MYO10: variants seen among roughly 807,000 people sequenced by gnomAD.
The protein encoded by MYO10 is unconventional myosin-X.
Under a neutral mutation model 257.3 loss-of-function variants are expected in MYO10, and 133 were observed. The observed-to-expected ratio is 0.52, with a 90% CI of 0.45 to 0.60. MYO10 has a LOEUF of 0.60. Among genes scored for constraint, MYO10 ranks in the 20% least tolerant of loss-of-function variants. The pLI is 0.00. For missense variants in MYO10, 2,399 were observed against 2,635.7 expected, an observed-to-expected ratio of 0.91 and a Z score of 1.97; for synonymous variants, 1,104 against 1,028.6, an observed-to-expected ratio of 1.07 and a Z score of -1.40.
In MYO10 at chr5:16,852,799, GC is replaced by G. The variant is rs548266046; in HGVS notation, c.120+24809del. On this transcript the variant is annotated intron_variant, in intron 2 of 40. Coordinates refer to ENST00000513610, the MANE Select transcript of MYO10 (RefSeq NM_012334.3). ...TAAATGATCTGGAAAGTCCTTTCCT[GC>G]CCCCAAATTCCCTGAGTTTAACAGA... Among the ~76,000 whole-genome samples the G allele has an allele frequency of 8.5e-5, 13 of 152,134 alleles. No homozygotes were observed. The East Asian group carries it at 2.3e-3, about 27-fold the overall frequency.
intron 2 of MYO10, among the ~76,000 whole-genome samples, chr5:16,861,303 T>C (rs13154099): frequency 0.26 from 38,373 of 150,432 alleles, 5,802 homozygotes; most frequent in African/African-American, 0.42. Flanking sequence ...CAGTGGCTCA[T>C]GCCTGTAATC....
chr5:16,854,100 C>G (rs544483328), intron 2 of MYO10: 1 of 152,274 alleles, frequency 6.6e-6, no homozygotes, highest in Non-Finnish European at 1.5e-5. Flanking sequence ...AGTCCTAAGA[C>G]AGACAATCTA....
Position 16,670,736 on chromosome 5 carries a change from C to T in MYO10, c.5673G>A (p.Arg1891=), listed in dbSNP as rs780075982. 6.2e-7 allele frequency: 1 copy of T among 1,614,040 alleles called. No homozygotes were observed. Among genetic ancestry groups the T allele is most frequent in the Non-Finnish European group, 8.5e-7 (1 of 1,179,900 alleles). ...RTSFLEGTLR[R]SFRTGSVVRQ... ...GGACCACGGATCCTGTCCGGAAGCTCCGCCTCAGGGTCCCCTCTAGGAAGC... is the reference window on the plus strand; with the variant it reads ...GGACCACGGATCCTGTCCGGAAGCTTCGCCTCAGGGTCCCCTCTAGGAAGC... The change falls in exon 39 of 41, where the codon CGG becomes CGA. Residue 1891 remains arginine, a synonymous_variant. Transcript: ENST00000513610.
intron 9 of MYO10, among the ~76,000 whole-genome samples, chr5:16,772,135 CTT>C (rs112723876): frequency 9.0e-5 from 13 of 144,620 alleles, no homozygotes; most frequent in Non-Finnish European, 1.2e-4. Flanking sequence ...ATATTGCATA[CTT>C]TTTTTTTTTT....
Position 16,673,746 on chromosome 5 carries a change from G to A in MYO10, c.5108C>T (p.Thr1703Met), listed in dbSNP as rs746939614. 1.5e-5 allele frequency: 24 copies of A among 1,613,974 alleles called. 1 individual carries two copies. In the South Asian group the frequency reaches 2.2e-4, roughly 15 times the overall value. Residue 1703 changes from threonine to methionine, a missense_variant, in exon 36 of 41, where the codon ACG becomes ATG. Physicochemically the swap from Thr to Met is moderately conservative, Grantham distance 81. Around this residue, in one of 3 missense-constraint regions of MYO10, gnomAD observed 1,820 missense variants for 1,939.4 expected, o/e 0.94. Coordinates refer to ENST00000513610, the MANE Select transcript of MYO10 (RefSeq NM_012334.3). ...ALIHRQEMTSTVYCHGGGSCK... is the reference protein window; with the variant it reads ...ALIHRQEMTSMVYCHGGGSCK... ...GGAGCCGCCGCCATGGCAATAGACC[G>A]TGGATGTCATTTCCTGCCTGTGGAT...
chr5:16,925,136 C>A (rs1746098304), intron 1 of MYO10, among the ~76,000 whole-genome samples: 1 of 151,916 alleles, frequency 6.6e-6, no homozygotes, highest in Non-Finnish European at 1.5e-5. Flanking sequence ...CGGCCTATCA[C>A]TTACTATTAA....
intron 4 of MYO10, 53 bp from the exon 5 acceptor site, chr5:16,783,522 A>T: frequency 1.9e-6 from 3 of 1,556,810 alleles, no homozygotes; most frequent in Non-Finnish European, 2.6e-6. Context: ...TTTAAAAAAA[A>T]ATCAGCTTTG....
In MYO10 at chr5:16,866,128, C is replaced by T. The variant is rs111898208; in HGVS notation, c.120+11481G>A. On this transcript the variant is annotated intron_variant, in intron 2 of 40. Transcript: ENST00000513610. ...GTATTTATTCATTTTCCTTTCAATT[C>T]AAACGTGGGTATTTGCCGAAGAAAC... is the stretch of plus-strand genomic sequence containing the variant. Among the ~76,000 whole-genome samples the T allele has an allele frequency of 1.5e-3, 224 of 151,516 alleles. 1 individual carries two copies. The highest frequency in any genetic ancestry group is 6.3e-3 in the South Asian group (30 of 4,798).
intron 10 of MYO10, among the ~76,000 whole-genome samples, chr5:16,767,513 G>T (rs1740908805): frequency 6.6e-6 from 1 of 151,854 alleles, no homozygotes; most frequent in South Asian, 2.1e-4. Flanking sequence ...AAAGAAATTT[G>T]CAAAAAGATA....
At chr5:16,778,485 G>C (rs1741290636) in intron 9 of MYO10, among the ~76,000 whole-genome samples, 1 of 152,078 alleles carries the variant, frequency 6.6e-6, no homozygotes, top group South Asian at 2.1e-4. Flanking sequence ...ATGCTTTTGG[G>C]TCGATGAGGG....
chr5:16,916,099 A>C (rs1745808678), intron 1 of MYO10: 2 of 456,080 alleles, frequency 4.4e-6, no homozygotes. Context: ...AGCCTTGGTA[A>C]AGATGTCATC....
chr5:16,764,395 G>A lies in MYO10; in HGVS notation c.1181C>T (p.Ala394Val). The change falls in exon 12 of 41, where the codon GCA becomes GTA. Residue 394 changes from alanine to valine, a missense_variant and splice_region_variant. Physicochemically the swap from Ala to Val is moderately conservative, Grantham distance 64. Coordinates refer to ENST00000513610, the MANE Select transcript of MYO10 (RefSeq NM_012334.3). ...GGCCAGGGAGTCCCTGCTGTCTACT[G>A]CCTGTGGGAGAGAAACCAGCACAGA... ...EILTPLNVQQ[A>V]VDSRDSLAMA... 6.2e-7 allele frequency: 1 copy of A among 1,613,654 alleles called. No individual in the cohort carries two copies. The highest frequency in any genetic ancestry group is 2.2e-5 in the East Asian group (1 of 44,850).
intron 19 of MYO10, among the ~76,000 whole-genome samples, chr5:16,740,368 A>C (rs1052897532): frequency 6.6e-6 from 1 of 151,358 alleles, no homozygotes; most frequent in African/African-American, 2.4e-5. Flanking sequence ...AAAATATCTC[A>C]GTCTGCATGA....
At chr5:16,799,302 C>T (rs1297800482) in intron 3 of MYO10, among the ~76,000 whole-genome samples, 5 of 151,968 alleles carry the variant, frequency 3.3e-5, no homozygotes, top group Non-Finnish European at 5.9e-5. Context: ...AAGGTGAAGA[C>T]GCAACATCCA....
chr5:16,832,811 C>T (rs1402894510), intron 2 of MYO10, among the ~76,000 whole-genome samples: 1 of 152,200 alleles, frequency 6.6e-6, no homozygotes, highest in Non-Finnish European at 1.5e-5. Context: ...CTGACCTCGG[C>T]ATCTCCTCCT....
At chr5:16,877,449 A>G (rs1580104993) in intron 2 of MYO10, among the ~76,000 whole-genome samples, 160 bp downstream of exon 2, 1 of 152,204 alleles carries the variant, frequency 6.6e-6, no homozygotes, top group South Asian at 2.1e-4. Flanking sequence ...TTACACACAC[A>G]TGGTTTACAT....
intron 1 of MYO10, among the ~76,000 whole-genome samples, chr5:16,883,137 G>C (rs1279427197): frequency 6.6e-6 from 1 of 151,970 alleles, no homozygotes; most frequent in Non-Finnish European, 1.5e-5. Flanking sequence ...GGATGGTCTT[G>C]ATCTCCTGAC....
At chr5:16,767,374 C>T (rs956351651) in intron 10 of MYO10, among the ~76,000 whole-genome samples, 1 of 151,338 alleles carries the variant, frequency 6.6e-6, no homozygotes, top group Non-Finnish European at 1.5e-5. Context: ...TTCACCGTAT[C>T]GGCCTGGCTG....
chr5:16,897,302 T>TTAAA lies in MYO10; in HGVS notation c.22-19596_22-19595insTTTA. Among the ~76,000 whole-genome samples the TTAAA allele has an allele frequency of 3.1e-5, 4 of 129,098 alleles. 1 individual carries two copies. In the South Asian group the frequency reaches 9.9e-4, roughly 32 times the overall value. 84.7% of individuals were successfully genotyped at this position (129,098 alleles called of 152,430 possible). A position where few individuals can be genotyped will look rare whatever the true frequency, so the allele number is the denominator to read the frequency against. ...AATATCGCCTGAAATTTACACTTCG[T>TTAAA]AAAAAAAAAAAAAAAAAGTCCTTTA... On this transcript the variant is annotated intron_variant, in intron 1 of 40. Transcript: ENST00000513610.
Sources: gnomAD v4.1 joint callset for allele counts (sites outside exome capture counted in the v4.1 genomes callset) on GRCh38, gnomAD v4.1.1 for gene constraint, gnomAD v4.1.1 regional missense constraint, MANE v1.5 for transcripts, NCBI Gene and HGNC (gene_info 2026-07-23, HGNC 2026-07-21) for gene names.